Variants in TMEM117 observed in about 807,000 individuals in gnomAD.
TMEM117 encodes transmembrane protein 117.
TMEM117 carries 27 observed loss-of-function variants against 52.4 expected under a neutral mutation model. The ratio of observed to expected loss-of-function variants is 0.51; its 90% CI spans 0.38 to 0.71. The LOEUF (loss-of-function observed/expected upper bound fraction) is 0.71. TMEM117 is among the 30% of genes least tolerant of loss of function. TMEM117 has a pLI of 0.00. For synonymous variants in TMEM117, 215 were observed against 206.3 expected (o/e 1.04, Z -0.36); for missense variants, 556 against 630.5 (o/e 0.88, Z 1.26).
chr12:43,989,570 C>G (rs1945904449), intron 3 of TMEM117, among the ~76,000 whole-genome samples: 1 of 151,906 alleles, frequency 6.6e-6, no homozygotes, highest in Non-Finnish European at 1.5e-5. Context: ...TTAGAAATTT[C>G]AATTGCAAGA....
chr12:44,096,163 G>GCA (rs1947757731), intron 3 of TMEM117, among the ~76,000 whole-genome samples: 1 of 152,176 alleles, frequency 6.6e-6, no homozygotes, highest in Non-Finnish European at 1.5e-5. Flanking sequence ...CAAGGGACAT[G>GCA]AAGGACTTCT....
intron 3 of TMEM117, among the ~76,000 whole-genome samples, chr12:44,025,342 A>G (rs980497409): frequency 6.6e-6 from 1 of 152,190 alleles, no homozygotes; most frequent in Non-Finnish European, 1.5e-5. Context: ...GGAATTAGAT[A>G]AACTCCAGAT....
chr12:43,813,475 C>T, the TMEM117 span, among the ~76,000 whole-genome samples: 19 of 152,014 alleles, frequency 1.2e-4, no homozygotes, highest in East Asian at 3.5e-3. Context: ...GAACTACTGG[C>T]TTCGGCCTCC....
intron 2 of TMEM117, among the ~76,000 whole-genome samples, chr12:43,885,096 A>G (rs1943967650): frequency 6.6e-6 from 1 of 152,192 alleles, no homozygotes; most frequent in African/African-American, 2.4e-5. Flanking sequence ...TCGCTACCCG[A>G]GACACCTATC....
chr12:44,192,657 GA>G (rs1949369933), intron 4 of TMEM117, among the ~76,000 whole-genome samples: 1 of 152,080 alleles, frequency 6.6e-6, no homozygotes, highest in South Asian at 2.1e-4. Flanking sequence ...TAATTAGTTT[GA>G]AAAAATATTA....
chr12:44,376,114 A>C (rs974433291), intron 6 of TMEM117, among the ~76,000 whole-genome samples: 1 of 152,212 alleles, frequency 6.6e-6, no homozygotes, highest in African/African-American at 2.4e-5. Flanking sequence ...GACATGATTA[A>C]TAAAAGTCAC....
chr12:44,054,415 C>T (rs17094029), intron 3 of TMEM117, among the ~76,000 whole-genome samples: 6,441 of 152,222 alleles, frequency 0.042, 186 homozygotes, highest in South Asian at 0.081. Context: ...GCAAATCCCC[C>T]TGAATATATG....
chr12:43,975,816 T>C (rs551454422), intron 3 of TMEM117, among the ~76,000 whole-genome samples: 34 of 152,312 alleles, frequency 2.2e-4, no homozygotes, highest in African/African-American at 7.9e-4. Context: ...GGCTTTGTGA[T>C]ACAATTCATT....
chr12:43,880,062 C>T (rs1195164601), intron 2 of TMEM117, among the ~76,000 whole-genome samples: 1 of 152,166 alleles, frequency 6.6e-6, no homozygotes, highest in Non-Finnish European at 1.5e-5. Flanking sequence ...TTTCAGGTAG[C>T]ATTTTTCATA....
chr12:44,309,660 A>T lies in TMEM117; in HGVS notation c.768+9921A>T, dbSNP rs562144410. ...GATGTACTTTATTTCATTTAATCTT[A>T]CAAAACCTTCCAATAAGGATAATAT... On this transcript the variant is annotated intron_variant, in intron 6 of 7. Coordinates refer to ENST00000266534, the MANE Select transcript of TMEM117 (RefSeq NM_032256.3). Among the ~76,000 whole-genome samples, 433 of 152,194 alleles carry T rather than the reference A, an allele frequency of 2.8e-3. 1 individual carries two copies. The highest frequency in any genetic ancestry group is 0.01 in the African/African-American group (422 of 41,518).
At chr12:44,359,451 T>C (rs1951693888) in intron 6 of TMEM117, among the ~76,000 whole-genome samples, 1 of 152,106 alleles carries the variant, frequency 6.6e-6, no homozygotes, top group Non-Finnish European at 1.5e-5. Flanking sequence ...TTATACCATA[T>C]ATTCAATTTT....
chr12:44,257,503 C>G (rs1342093208), intron 5 of TMEM117, among the ~76,000 whole-genome samples: 6 of 152,110 alleles, frequency 3.9e-5, no homozygotes, highest in African/African-American at 1.4e-4. Flanking sequence ...GTTGTGTCTT[C>G]AAAGGACTGG....
At chr12:43,968,452 T>C (rs1042524171) in intron 3 of TMEM117, among the ~76,000 whole-genome samples, 1 of 152,224 alleles carries the variant, frequency 6.6e-6, no homozygotes, top group Non-Finnish European at 1.5e-5. Context: ...TCATCAAATT[T>C]CTTCTGCAGA....
At chr12:43,893,636 C>T (rs557981507) in intron 2 of TMEM117, among the ~76,000 whole-genome samples, 1 of 152,168 alleles carries the variant, frequency 6.6e-6, no homozygotes, top group African/African-American at 2.4e-5. Flanking sequence ...CCATTTTTTC[C>T]ATCCAAATGT....
chr12:44,080,732 A>T (rs1947468484), intron 3 of TMEM117, among the ~76,000 whole-genome samples: 1 of 152,202 alleles, frequency 6.6e-6, no homozygotes, highest in African/African-American at 2.4e-5. Flanking sequence ...CCCAATGAAG[A>T]TGATATAAAA....
intron 3 of TMEM117, among the ~76,000 whole-genome samples, chr12:44,079,785 G>C (rs1042125170): frequency 6.6e-6 from 1 of 151,998 alleles, no homozygotes; most frequent in Non-Finnish European, 1.5e-5. Flanking sequence ...GGAGGCCAAG[G>C]CAGGTGGATC....
chr12:44,300,962 T>G (rs139310327), intron 6 of TMEM117, among the ~76,000 whole-genome samples: 4 of 152,330 alleles, frequency 2.6e-5, no homozygotes, highest in Non-Finnish European at 5.9e-5. Flanking sequence ...TAATGTATCA[T>G]GCATTACTTA....
chr12:43,843,453 C>G (rs12298970), intron 1 of TMEM117, among the ~76,000 whole-genome samples: 1 of 151,998 alleles, frequency 6.6e-6, no homozygotes, highest in East Asian at 1.9e-4. Flanking sequence ...ATGGGCAGGC[C>G]GGTTCCCAAA....
intron 2 of TMEM117, among the ~76,000 whole-genome samples, chr12:43,903,587 G>A (rs1381444965): frequency 6.6e-6 from 1 of 152,126 alleles, no homozygotes; most frequent in Non-Finnish European, 1.5e-5. Context: ...ATAAAATGAA[G>A]AGGCAGGTGA....
Sources: gnomAD v4.1 joint callset for allele counts (sites outside exome capture counted in the v4.1 genomes callset) on GRCh38, gnomAD v4.1.1 for gene constraint, MANE v1.5 for transcripts, NCBI Gene and HGNC (gene_info 2026-07-23, HGNC 2026-07-21) for gene names.